The following G2E3 variants were observed in gnomAD, a reference collection of about 807,000 sequenced individuals.
The protein encoded by G2E3 is G2/M phase-specific E3 ubiquitin-protein ligase.
In G2E3, 35 loss-of-function variants were observed where a neutral mutation model predicts 92.8. That is an observed-to-expected ratio of 0.38 (90% CI 0.29 to 0.50). The LOEUF (loss-of-function observed/expected upper bound fraction) is 0.50. G2E3 is among the 20% of genes least tolerant of loss of function. The pLI is 0.94. For missense variants in G2E3, 554 were observed against 823.8 expected, an observed-to-expected ratio of 0.67 and a Z score of 4.01; for synonymous variants, 242 against 272.4, an observed-to-expected ratio of 0.89 and a Z score of 1.10.
intron 1 of G2E3, among the ~76,000 whole-genome samples, chr14:30,562,460 A>C (rs1313883552): frequency 6.6e-6 from 1 of 152,196 alleles, no homozygotes; most frequent in South Asian, 2.1e-4. Context: ...TTATGCCCGG[A>C]CAGGGCCACC....
chr14:30,569,743 G>A (rs183176984), intron 1 of G2E3, among the ~76,000 whole-genome samples: 12 of 151,860 alleles, frequency 7.9e-5, no homozygotes, highest in Admixed American at 7.9e-4. Flanking sequence ...GCTGGTGAAG[G>A]GGGGGGATTA....
At chr14:30,590,747 A>G (rs1294670887) in intron 4 of G2E3, 1 of 455,804 alleles carries the variant, frequency 2.2e-6, no homozygotes, top group East Asian at 7.0e-5. Flanking sequence ...TCTAAGGACT[A>G]CGTGAGATGT....
chr14:30,580,004 T>C (rs1371152177), intron 1 of G2E3, among the ~76,000 whole-genome samples: 2 of 152,164 alleles, frequency 1.3e-5, no homozygotes, highest in Admixed American at 6.5e-5. Flanking sequence ...ATTTCAGTAA[T>C]GATTATAAGT....
intron 5 of G2E3, among the ~76,000 whole-genome samples, chr14:30,592,687 G>T (rs1184494924): frequency 2.3e-5 from 3 of 132,992 alleles, no homozygotes; most frequent in African/African-American, 8.5e-5. Flanking sequence ...TTCAGCTTTT[G>T]GATATAACAT....
intron 3 of G2E3, among the ~76,000 whole-genome samples, chr14:30,588,027 G>T (rs1378392681): frequency 6.6e-6 from 1 of 152,068 alleles, no homozygotes; most frequent in Non-Finnish European, 1.5e-5. Context: ...GTATTCCTTG[G>T]TCCTCTAAGA....
chr14:30,612,580 A>G (rs1269471481), intron 13 of G2E3, among the ~76,000 whole-genome samples: 1 of 147,626 alleles, frequency 6.8e-6, no homozygotes, highest in African/African-American at 2.5e-5. Context: ...TAGGTCGGGC[A>G]TGGTGGCTCA....
intron 3 of G2E3, 56 bp downstream of exon 3, chr14:30,586,871 AGATTCTGACACT>A: frequency 1.8e-6 from 1 of 552,900 alleles, no homozygotes; most frequent in Admixed American, 3.3e-5. Flanking sequence ...GAAGATAGTA[AGATTCTGACACT>A]GATTTCTGAG....
intron 1 of G2E3, among the ~76,000 whole-genome samples, chr14:30,570,474 A>G (rs751202833): frequency 2.0e-5 from 3 of 151,990 alleles, no homozygotes; most frequent in Non-Finnish European, 4.4e-5. Context: ...TTAAGCATAT[A>G]TTGGTATACT....
At chr14:30,568,883 A>C (rs1879592423) in intron 1 of G2E3, among the ~76,000 whole-genome samples, 1 of 152,054 alleles carries the variant, frequency 6.6e-6, no homozygotes, top group Non-Finnish European at 1.5e-5. Context: ...AATTACCTTT[A>C]CTGGTGTTTT....
At chr14:30,581,685 G>A (rs937873536) in intron 2 of G2E3, among the ~76,000 whole-genome samples, 1 of 152,170 alleles carries the variant, frequency 6.6e-6, no homozygotes, top group Non-Finnish European at 1.5e-5. Context: ...CTAAGTGACA[G>A]AGCGAGACCC....
chr14:30,605,962 G>A, intron 11 of G2E3, 150 bp downstream of exon 11: 1 of 453,622 alleles, frequency 2.2e-6, no homozygotes. Flanking sequence ...AGGAAAGTGG[G>A]AAGGGGGAGT....
chr14:30,608,580 A>T (rs535908846), intron 12 of G2E3, among the ~76,000 whole-genome samples: 32 of 152,328 alleles, frequency 2.1e-4, no homozygotes, highest in African/African-American at 7.0e-4. Context: ...ATCGGGGAGG[A>T]CTTAATGCGT....
rs1305283394 is a variant in G2E3, at chr14:30,616,736, G to A, written c.*202G>A. 2.6e-5 allele frequency: 11 copies of A among 416,274 alleles called. No homozygotes were observed. The highest frequency in any genetic ancestry group is 4.6e-5 in the Non-Finnish European group (11 of 237,072). 25.8% of individuals were successfully genotyped at this position (416,274 alleles called of 1,614,324 possible). A position where few individuals can be genotyped will look rare whatever the true frequency, so the allele number is the denominator to read the frequency against. On this transcript the variant is annotated 3_prime_UTR_variant, in exon 15 of 15. Coordinates refer to ENST00000206595, the MANE Select transcript of G2E3 (RefSeq NM_017769.5). ...TTGTTAAAGCATACTAGTCAAAATT[G>A]GTGATAATTTCTCATTTTCTTGATA... is the stretch of plus-strand genomic sequence containing the variant.
chr14:30,576,073 C>CA, intron 1 of G2E3, among the ~76,000 whole-genome samples: 1 of 152,240 alleles, frequency 6.6e-6, no homozygotes, highest in Middle Eastern at 3.4e-3. Context: ...CAATCCTAAG[C>CA]AAAAAGAACA....
chr14:30,597,786 C>T (rs143363903), intron 7 of G2E3, among the ~76,000 whole-genome samples: 1 of 152,044 alleles, frequency 6.6e-6, no homozygotes, highest in Non-Finnish European at 1.5e-5. Context: ...ACTTTGTACA[C>T]TTATAATAGG....
intron 1 of G2E3, among the ~76,000 whole-genome samples, chr14:30,563,572 A>T (rs1432290611): frequency 2.0e-5 from 3 of 146,714 alleles, no homozygotes; most frequent in African/African-American, 7.4e-5. Context: ...ATGAAGAAAC[A>T]TGAAAATGGA....
At chr14:30,590,576 A>C in intron 4 of G2E3, 1 of 425,080 alleles carries the variant, frequency 2.4e-6, no homozygotes, top group South Asian at 1.7e-5. Flanking sequence ...TTTATTCAAG[A>C]AGGTCTACAA....
At chr14:30,573,341 A>T (rs1372909151) in intron 1 of G2E3, among the ~76,000 whole-genome samples, 1 of 152,056 alleles carries the variant, frequency 6.6e-6, no homozygotes, top group Non-Finnish European at 1.5e-5. Flanking sequence ...AAAGTGTATT[A>T]ACTATCTATC....
In G2E3 at chr14:30,598,550, G is replaced by A. The variant is rs781624871; in HGVS notation, c.703G>A (p.Val235Ile). The A allele has an allele frequency of 6.2e-7, 1 of 1,613,896 alleles. No homozygotes were observed. The highest frequency in any genetic ancestry group is 1.1e-5 in the South Asian group (1 of 91,082). ...ELLQHYERCD[V>I]RRCRCKEGRD... ...TCTGCAGCACTATGAGCGTTGTGAT[G>A]TTCGAAGATGTCGTTGCAAAGAAGG... The change falls in exon 8 of 15, where the codon GTT becomes ATT. Residue 235 changes from valine (V) to isoleucine (I), a missense_variant. Around this residue, in one of 3 missense-constraint regions of G2E3, gnomAD observed 397 missense variants for 560.3 expected, o/e 0.71. Coordinates refer to ENST00000206595, the MANE Select transcript of G2E3 (RefSeq NM_017769.5).
Sources: gnomAD v4.1 joint callset for allele counts (sites outside exome capture counted in the v4.1 genomes callset) on GRCh38, gnomAD v4.1.1 for gene constraint, gnomAD v4.1.1 regional missense constraint, MANE v1.5 for transcripts, NCBI Gene and HGNC (gene_info 2026-07-23, HGNC 2026-07-21) for gene names.